The following CACHD1 variants were observed in gnomAD, a reference collection of about 807,000 sequenced individuals.
CACHD1 encodes cache domain containing 1.
In CACHD1, 71 loss-of-function variants were observed where a neutral mutation model predicts 138.7. The ratio of observed to expected loss-of-function variants is 0.51; its 90% confidence interval spans 0.42 to 0.62. The LOEUF (loss-of-function observed/expected upper bound fraction) is 0.62, where lower values mean the gene tolerates loss of function less well. Among genes scored for constraint, CACHD1 ranks in the 20% least tolerant of loss-of-function variants. The pLI, the probability that CACHD1 is intolerant of heterozygous loss-of-function variation, is 0.00. For synonymous variants in CACHD1, 578 were observed against 591.5 expected (o/e 0.98, Z 0.33); for missense variants, 1,389 against 1,625.3 (o/e 0.85, Z 2.50).
At chr1:64,670,631 G>A (rs140083957) in intron 16 of CACHD1, among the ~76,000 whole-genome samples, 207 of 152,284 alleles carry the variant, frequency 1.4e-3, no homozygotes, top group Non-Finnish European at 2.5e-3. Context: ...CTTGAAGTGC[G>A]TTTTCTCTGA....
chr1:64,655,328 T>TTG (rs202107132), intron 12 of CACHD1, among the ~76,000 whole-genome samples: 3 of 152,034 alleles, frequency 2.0e-5, no homozygotes, highest in Non-Finnish European at 2.9e-5. Context: ...GTATATATAT[T>TTG]TGTGTGTGTG....
chr1:64,662,980 A>C (rs1355022085), intron 13 of CACHD1, among the ~76,000 whole-genome samples: 1 of 152,212 alleles, frequency 6.6e-6, no homozygotes, highest in Non-Finnish European at 1.5e-5. Flanking sequence ...AACTCATTGA[A>C]TTCTCACCGT....
At chr1:64,668,356 GA>G (rs1350301947) in intron 16 of CACHD1, among the ~76,000 whole-genome samples, 2 of 144,808 alleles carry the variant, frequency 1.4e-5, no homozygotes, top group Admixed American at 1.4e-4. Flanking sequence ...AAGAAAAAAA[GA>G]AAAACCCAGG....
At position 64,482,958 on chromosome 1, in the gene CACHD1, T is replaced by A. The variant is rs563185580; in HGVS notation, c.198+12016T>A. ...TGTCACATCATGAGGACTCAAAAAA[T>A]GTCTAGACCACAGACATTGCCCAGC... On this transcript the variant is annotated intron_variant, in intron 1 of 26. Transcript: ENST00000651257. 4.7e-4 allele frequency among the ~76,000 whole-genome samples: 72 copies of A among 152,318 alleles called. 1 individual carries two copies. In the South Asian group the frequency reaches 4.8e-3, roughly 10 times the overall value.
chr1:64,588,923 C>T (rs1400308565), intron 3 of CACHD1, among the ~76,000 whole-genome samples: 1 of 152,124 alleles, frequency 6.6e-6, no homozygotes, highest in Admixed American at 6.5e-5. Context: ...TTAGTTAATG[C>T]ATGTTAATTG....
intron 3 of CACHD1, among the ~76,000 whole-genome samples, chr1:64,594,400 A>G (rs1647133462): frequency 6.6e-6 from 1 of 152,168 alleles, no homozygotes. Context: ...TGCCAAGTGA[A>G]ATGCTAAACT....
chr1:64,475,765 G>C (rs1570288252), intron 1 of CACHD1, among the ~76,000 whole-genome samples: 1 of 152,136 alleles, frequency 6.6e-6, no homozygotes, highest in Middle Eastern at 3.4e-3. Context: ...AGCCAGGATG[G>C]TCTCGATTTC....
intron 4 of CACHD1, among the ~76,000 whole-genome samples, chr1:64,619,537 C>T (rs189716791): frequency 2.0e-5 from 3 of 152,210 alleles, no homozygotes; most frequent in Admixed American, 1.3e-4. Context: ...GTATGGAGAT[C>T]AAATAGAACC....
intron 4 of CACHD1, among the ~76,000 whole-genome samples, chr1:64,606,133 A>ACACACACACACACACACACG (rs1557516395): frequency 9.9e-5 from 15 of 151,416 alleles, no homozygotes; most frequent in Non-Finnish European, 2.2e-4. Flanking sequence ...ACACACACGC[A>ACACACACACACACACACACG]CACACACGCA....
intron 7 of CACHD1, among the ~76,000 whole-genome samples, chr1:64,636,120 A>T (rs1346165922): frequency 2.0e-5 from 3 of 152,170 alleles, no homozygotes; most frequent in Admixed American, 6.5e-5. Flanking sequence ...AAAAAAAAAA[A>T]AAAATCTGTT....
chr1:64,575,252 A>C (rs759132636), intron 2 of CACHD1, among the ~76,000 whole-genome samples: 1 of 152,212 alleles, frequency 6.6e-6, no homozygotes, highest in Non-Finnish European at 1.5e-5. Flanking sequence ...AATTTGCCCA[A>C]ATTCCCAGCT....
At position 64,632,756 on chromosome 1, in the gene CACHD1, C is replaced by T. The variant is rs762308702; in HGVS notation, c.789+13C>T. 18 of 1,614,006 alleles carry T rather than the reference C, an allele frequency of 1.1e-5. No individual in the cohort carries two copies. Among genetic ancestry groups the T allele is most frequent in the Non-Finnish European group, 1.5e-5 (18 of 1,179,946 alleles). ...TGAACATGACAAGGTGACCATGACC[C>T]TTGTGACCCCTATGGCATCAGGTTC... On this transcript the variant is annotated intron_variant, in intron 6 of 26. Transcript: ENST00000651257.
intron 1 of CACHD1, among the ~76,000 whole-genome samples, chr1:64,516,752 A>G (rs80217375): frequency 0.02 from 3,020 of 152,302 alleles, 88 homozygotes; most frequent in African/African-American, 0.07. Context: ...ACTATACCAT[A>G]AAGCATATTC....
chr1:64,651,802 G>T (rs889938256), intron 9 of CACHD1, among the ~76,000 whole-genome samples: 1 of 152,208 alleles, frequency 6.6e-6, no homozygotes, highest in African/African-American at 2.4e-5. Context: ...TTCAAGTTCA[G>T]CTGAATCTAA....
chr1:64,540,703 A>C (rs563070721), intron 1 of CACHD1, among the ~76,000 whole-genome samples: 1 of 152,284 alleles, frequency 6.6e-6, no homozygotes, highest in South Asian at 2.1e-4. Context: ...CAAGACTAGA[A>C]ACTCTTCTCG....
chr1:64,551,601 C>G (rs1457827794), intron 2 of CACHD1, among the ~76,000 whole-genome samples: 1 of 152,174 alleles, frequency 6.6e-6, no homozygotes, highest in African/African-American at 2.4e-5. Flanking sequence ...TTTGAACTCT[C>G]TGAGATTCCG....
intron 7 of CACHD1, among the ~76,000 whole-genome samples, chr1:64,637,186 AT>A (rs1648554231): frequency 6.6e-6 from 1 of 152,200 alleles, no homozygotes; most frequent in Non-Finnish European, 1.5e-5. Context: ...TCTAGTTTTG[AT>A]TATTATACTT....
intron 4 of CACHD1, among the ~76,000 whole-genome samples, chr1:64,627,601 A>G (rs1029066848): frequency 1.3e-5 from 2 of 152,094 alleles, no homozygotes; most frequent in African/African-American, 4.8e-5. Context: ...ACAGGGAACC[A>G]TCACCCCCAC....
chr1:64,613,495 G>C (rs1647601822), intron 4 of CACHD1: 2 of 152,186 alleles, frequency 1.3e-5, no homozygotes, highest in African/African-American at 4.8e-5. Context: ...CAGGGGTCGA[G>C]AACTGAGCTG....
Sources: gnomAD v4.1 joint callset for allele counts (sites outside exome capture counted in the v4.1 genomes callset) on GRCh38, gnomAD v4.1.1 for gene constraint, MANE v1.5 for transcripts, NCBI Gene and HGNC (gene_info 2026-07-23, HGNC 2026-07-21) for gene names.